WDR4: variants seen among roughly 807,000 people sequenced by gnomAD.
WDR4 encodes tRNA (guanine-N(7)-)-methyltransferase non-catalytic subunit WDR4.
WDR4 carries 47 observed loss-of-function variants against 48.6 expected under a neutral mutation model. The observed-to-expected ratio is 0.97, with a 90% CI of 0.77 to 1.23. WDR4 has a LOEUF of 1.23. Among genes scored for constraint, WDR4 ranks in the 50% most tolerant of loss-of-function variants. The pLI, the probability that WDR4 is intolerant of heterozygous loss-of-function variation, is 0.00. For missense variants in WDR4, 606 were observed against 551.6 expected (o/e 1.10, Z -0.99); for synonymous variants, 268 against 230.0 (o/e 1.17, Z -1.49).
intron 3 of WDR4, among the ~76,000 whole-genome samples, chr21:42,869,711 A>G (rs773934332): frequency 2.0e-5 from 3 of 152,190 alleles, no homozygotes; most frequent in Non-Finnish European, 4.4e-5. Flanking sequence ...TTAAGTATAT[A>G]AAGAGTTGCT....
upstream of WDR4, among the ~76,000 whole-genome samples, chr21:42,880,883 C>G (rs1341005169): frequency 6.6e-6 from 1 of 151,754 alleles, no homozygotes; most frequent in African/African-American, 2.4e-5. Context: ...ATGGGCTTCT[C>G]AAGAATCTGA....
intron 3 of WDR4, among the ~76,000 whole-genome samples, chr21:42,865,675 CA>C (rs2146063219): frequency 6.6e-6 from 1 of 152,184 alleles, no homozygotes. Context: ...GTCACTGGAC[CA>C]ATGGCAAGCC....
chr21:42,874,226 A>C (rs2058436426), intron 2 of WDR4, among the ~76,000 whole-genome samples: 1 of 152,198 alleles, frequency 6.6e-6, no homozygotes, highest in South Asian at 2.1e-4. Flanking sequence ...ATCCCTAAAC[A>C]TAAATTGTGA....
chr21:42,873,825 A>G, intron 2 of WDR4, 134 bp from the exon 3 acceptor site: 1 of 1,033,092 alleles, frequency 9.7e-7, no homozygotes, highest in Non-Finnish European at 1.4e-6. Context: ...CAAAATACAG[A>G]CATATTAAAG....
chr21:42,873,478 C>T, intron 3 of WDR4, 73 bp downstream of exon 3: 1 of 1,579,692 alleles, frequency 6.3e-7, no homozygotes, highest in Non-Finnish European at 8.6e-7. Context: ...ATGTTATGGT[C>T]ACTATTGCTA....
At chr21:42,891,311 G>C in the WDR4 span, among the ~76,000 whole-genome samples, 1 of 150,128 alleles carries the variant, frequency 6.7e-6, no homozygotes, top group South Asian at 2.1e-4. Flanking sequence ...CTGGGCAACA[G>C]AGTGAGATTC....
At position 42,870,310 on chromosome 21, in the gene WDR4, C is replaced by CA. The variant is rs2058344203; in HGVS notation, c.296+3240dup. Among the ~76,000 whole-genome samples the CA allele has an allele frequency of 2.6e-5, 4 of 152,302 alleles. No individual in the cohort carries two copies. The South Asian group carries it at 8.3e-4, about 32-fold the overall frequency. ...AGGTTGCAGTGAGCCGGGATTGGGCCACTGCACTCCAGCCTGGGTGACAGA... is the reference window on the plus strand; with the variant it reads ...AGGTTGCAGTGAGCCGGGATTGGGCCAACTGCACTCCAGCCTGGGTGACAGA... On this transcript the variant is annotated intron_variant, in intron 3 of 10. Coordinates refer to ENST00000398208, the MANE Select transcript of WDR4 (RefSeq NM_018669.6).
At chr21:42,859,597 G>GGGCCCCCCCCCCC in intron 6 of WDR4, 65 bp downstream of exon 6, 1 of 708,190 alleles carries the variant, frequency 1.4e-6, no homozygotes, top group Non-Finnish European at 2.5e-6. Context: ...TCCAGGAGGC[G>GGGCCCCCCCCCCC]CCCACCCCAC....
intron 3 of WDR4, among the ~76,000 whole-genome samples, chr21:42,869,034 C>G (rs886791279): frequency 1.3e-5 from 2 of 152,208 alleles, no homozygotes; most frequent in African/African-American, 4.8e-5. Flanking sequence ...TATAGGCTAG[C>G]ACATGCCACC....
intron 3 of WDR4, among the ~76,000 whole-genome samples, chr21:42,872,082 T>TTAAG (rs2058380442): frequency 6.6e-6 from 1 of 152,036 alleles, no homozygotes; most frequent in Non-Finnish European, 1.5e-5. Context: ...CCTCCCAGGT[T>TTAAG]CGGGAGATTC....
chr21:42,843,117 CAG>C (rs1331861878), exon 12 of WDR4: 3 of 152,162 alleles, frequency 2.0e-5, no homozygotes, highest in African/African-American at 7.2e-5. Flanking sequence ...ATTTACTACA[CAG>C]ACTCAGTAGC....
At chr21:42,855,820 G>C in intron 6 of WDR4, 40 bp from the exon 7 acceptor site, 4 of 1,479,976 alleles carry the variant, frequency 2.7e-6, no homozygotes, top group Non-Finnish European at 3.6e-6. Flanking sequence ...ATGGTTGTGG[G>C]GCTTCCGTCA....
chr21:42,844,930 C>T (rs2057698257), downstream of WDR4, among the ~76,000 whole-genome samples: 1 of 152,222 alleles, frequency 6.6e-6, no homozygotes, highest in South Asian at 2.1e-4. Flanking sequence ...AGGGCAGGCC[C>T]CTCCCTCCTG....
At position 42,853,577 on chromosome 21, in the gene WDR4, G is replaced by C. The variant is rs752401773; in HGVS notation, c.967C>G (p.Gln323Glu). 1.9e-6 allele frequency: 3 copies of C among 1,608,584 alleles called. No individual in the cohort carries two copies. Among genetic ancestry groups the C allele is most frequent in the South Asian group, 2.2e-5 (2 of 89,894 alleles). The change falls in exon 9 of 11, where the codon CAG (glutamine) becomes GAG (glutamate). Residue 323 changes from glutamine (Q) to glutamate (E), a missense_variant. Physicochemically the swap from Gln to Glu is conservative, Grantham distance 29. Coordinates refer to ENST00000398208, the MANE Select transcript of WDR4 (RefSeq NM_018669.6). Reference sequence around the variant, plus strand: ...AAGGTGCCGAGTCTCACCTGCCACTGGTCGCCCACAGGCCTGTAGAGCACC... The same window carrying C: ...AAGGTGCCGAGTCTCACCTGCCACTCGTCGCCCACAGGCCTGTAGAGCACC... The part of the protein sequence containing the change: ...PLVLYRPVGD[Q>E]WQSVPESTVL...
the WDR4 span, among the ~76,000 whole-genome samples, chr21:42,888,916 C>T: frequency 9.2e-5 from 14 of 151,690 alleles, no homozygotes; most frequent in African/African-American, 3.4e-4. Context: ...GTTGGCCAGG[C>T]TGGTCTCGAA....
Position 42,876,598 on chromosome 21 carries a change from G to A in WDR4, c.155+104C>T, listed in dbSNP as rs116344656. 9.3e-4 allele frequency: 1,021 copies of A among 1,095,656 alleles called. 9 individuals are homozygous for A. The African/African-American group carries it at 0.013, about 14-fold the overall frequency. The allele number at this position is 1,095,656 out of a possible 1,614,324, so 67.9% of individuals were successfully genotyped here. A position where few individuals can be genotyped will look rare whatever the true frequency, so the allele number is the denominator to read the frequency against. On this transcript the variant is annotated intron_variant, in intron 2 of 10. Coordinates refer to ENST00000398208, the MANE Select transcript of WDR4 (RefSeq NM_018669.6). The stretch of plus-strand genomic sequence containing the variant: ...TACTTATCTGCACCACTGTGTGACA[G>A]AAGCTAAGAATTCAGCAAGTAGGAC...
the WDR4 span, among the ~76,000 whole-genome samples, chr21:42,888,889 C>T: frequency 6.7e-6 from 1 of 150,276 alleles, no homozygotes; most frequent in Non-Finnish European, 1.5e-5. Flanking sequence ...TTTTTAGTAG[C>T]GACAGGGTTT....
intron 10 of WDR4, 60 bp from the exon 11 acceptor site, chr21:42,850,302 ACAGCGGGCCCC>A: frequency 1.4e-6 from 2 of 1,462,294 alleles, no homozygotes; most frequent in Non-Finnish European, 1.8e-6. Context: ...CTCGGCCACC[ACAGCGGGCCCC>A]CTGCAGCAGG....
At chr21:42,857,691 A>G (rs1023878935) in intron 6 of WDR4, among the ~76,000 whole-genome samples, 1 of 152,200 alleles carries the variant, frequency 6.6e-6, no homozygotes, top group African/African-American at 2.4e-5. Flanking sequence ...AAATAATCCT[A>G]ATAAAACTCA....
Sources: gnomAD v4.1 joint callset for allele counts (sites outside exome capture counted in the v4.1 genomes callset) on GRCh38, gnomAD v4.1.1 for gene constraint, MANE v1.5 for transcripts, NCBI Gene and HGNC (gene_info 2026-07-23, HGNC 2026-07-21) for gene names.